Variants in KLHL1 observed in about 807,000 individuals in gnomAD.
KLHL1 encodes kelch like family member 1, also known as kelch-like protein 1.
In KLHL1, 47 loss-of-function variants were observed where a neutral mutation model predicts 77.7. The observed-to-expected ratio is 0.60, with a 90% CI of 0.48 to 0.77. The LOEUF is 0.77. Ranked by LOEUF, KLHL1 falls within the 30% of genes least tolerant of loss-of-function variation. The pLI is 0.00. For missense variants in KLHL1, 925 were observed against 910.8 expected (o/e 1.02, Z -0.20); for synonymous variants, 360 against 325.2 (o/e 1.11, Z -1.15).
chr13:70,001,567 T>A lies in KLHL1; in HGVS notation c.498-25765A>T, dbSNP rs532679223. Among the ~76,000 whole-genome samples, 21 of 139,814 alleles carry A rather than the reference T, an allele frequency of 1.5e-4. No individual in the cohort carries two copies. The East Asian group carries it at 4.8e-3, about 32-fold the overall frequency. 91.7% of individuals were successfully genotyped at this position (139,814 alleles called of 152,430 possible). ...GAACATTTAAACATTGGGATATCTA[T>A]CTATGATCTATGTGTCTATCTATCT... On this transcript the variant is annotated intron_variant, in intron 1 of 10. Transcript: ENST00000377844.
chr13:69,808,132 TC>T (rs911412337), intron 6 of KLHL1, among the ~76,000 whole-genome samples: 1 of 151,832 alleles, frequency 6.6e-6, no homozygotes. Flanking sequence ...GTCACCTCTT[TC>T]CCCCCACACC....
intron 7 of KLHL1, among the ~76,000 whole-genome samples, chr13:69,775,054 G>A (rs1481020969): frequency 6.6e-6 from 1 of 152,046 alleles, no homozygotes; most frequent in Non-Finnish European, 1.5e-5. Flanking sequence ...TGAGCTAACA[G>A]GAAAAAAATA....
In KLHL1 at chr13:69,988,081, CT is replaced by C. The variant is rs200493457; in HGVS notation, c.498-12280del. Among the ~76,000 whole-genome samples the C allele has an allele frequency of 7.8e-3, 1,181 of 151,110 alleles. 19 individuals are homozygous for C. The highest frequency in any genetic ancestry group is 0.028 in the African/African-American group (1,129 of 40,996). On this transcript the variant is annotated intron_variant, in intron 1 of 10. Transcript: ENST00000377844. ...CAGGTACAAGCATAATACTAAATAG[CT>C]TTTTTTTGGCGGGGGGAACCTCTCC...
intron 4 of KLHL1, among the ~76,000 whole-genome samples, chr13:69,936,142 G>A (rs1173146416): frequency 1.3e-5 from 2 of 152,160 alleles, no homozygotes; most frequent in Admixed American, 1.3e-4. Flanking sequence ...TTCAGAATTT[G>A]ATAATGGATT....
At chr13:69,992,109 T>C in intron 1 of KLHL1, among the ~76,000 whole-genome samples, 1 of 151,980 alleles carries the variant, frequency 6.6e-6, no homozygotes. Context: ...TTAGTATATG[T>C]CCTGGCCAGA....
intron 3 of KLHL1, among the ~76,000 whole-genome samples, chr13:69,941,892 A>G (rs9542125): frequency 2.4e-4 from 36 of 151,882 alleles, no homozygotes; most frequent in Admixed American, 2.4e-3. Context: ...GGAAATATAC[A>G]ATCCCCCTAG....
intron 7 of KLHL1, among the ~76,000 whole-genome samples, chr13:69,764,929 CTTTTTTTTTTTTTTTTTTTTTTTT>C (rs71196263): frequency 2.0e-4 from 8 of 39,714 alleles, no homozygotes; most frequent in Non-Finnish European, 3.1e-4. Flanking sequence ...TATATCTTTG[CTTTTTTTTTTTTTTTTTTTTTTTT>C]TTTTTTTTTT....
chr13:70,024,592 A>T (rs754453722), intron 1 of KLHL1, among the ~76,000 whole-genome samples: 14 of 112,398 alleles, frequency 1.2e-4, no homozygotes, highest in Non-Finnish European at 2.2e-4. Flanking sequence ...CCATTGCAAG[A>T]TTCTGGTTAG....
chr13:69,763,943 T>C (rs1875144689), intron 7 of KLHL1, among the ~76,000 whole-genome samples: 1 of 152,168 alleles, frequency 6.6e-6, no homozygotes, highest in Non-Finnish European at 1.5e-5. Flanking sequence ...TTTTTTTCTA[T>C]TGTTCTGTTT....
At chr13:70,037,904 A>G (rs972909893) in intron 1 of KLHL1, among the ~76,000 whole-genome samples, 13 of 151,954 alleles carry the variant, frequency 8.6e-5, no homozygotes, top group Admixed American at 6.6e-4. Flanking sequence ...ATTCCCTTTT[A>G]CCACTTTAGA....
intron 1 of KLHL1, among the ~76,000 whole-genome samples, chr13:70,096,605 G>A (rs1263907030): frequency 2.0e-5 from 3 of 148,948 alleles, no homozygotes; most frequent in South Asian, 2.1e-4. Context: ...TTTTCCTATC[G>A]AGTTCTTTGA....
intron 2 of KLHL1, among the ~76,000 whole-genome samples, chr13:69,963,375 CAT>C (rs1884125127): frequency 6.6e-6 from 1 of 152,088 alleles, no homozygotes; most frequent in Admixed American, 6.6e-5. Flanking sequence ...ATATTGACTA[CAT>C]GTTTTTCACA....
chr13:69,873,400 G>C (rs1336405183), intron 5 of KLHL1, among the ~76,000 whole-genome samples: 1 of 151,944 alleles, frequency 6.6e-6, no homozygotes, highest in Non-Finnish European at 1.5e-5. Flanking sequence ...CTCAAATTAG[G>C]TATTAGAGGA....
intron 4 of KLHL1, among the ~76,000 whole-genome samples, chr13:69,921,045 T>A (rs976130117): frequency 2.0e-5 from 3 of 152,194 alleles, no homozygotes; most frequent in Non-Finnish European, 4.4e-5. Context: ...TATGTTAAAA[T>A]GTAAATGTTG....
At chr13:69,824,810 A>G (rs1449598188) in intron 6 of KLHL1, among the ~76,000 whole-genome samples, 1 of 152,086 alleles carries the variant, frequency 6.6e-6, no homozygotes, top group African/African-American at 2.4e-5. Flanking sequence ...GCAATGCTCT[A>G]TCATGTTTAG....
At chr13:69,782,774 A>G (rs1165854966) in intron 7 of KLHL1, among the ~76,000 whole-genome samples, 1 of 152,218 alleles carries the variant, frequency 6.6e-6, no homozygotes. Context: ...TAACCTCTAC[A>G]GACTTAAATG....
intron 1 of KLHL1, among the ~76,000 whole-genome samples, chr13:70,075,659 C>T (rs1003064826): frequency 1.6e-5 from 2 of 126,382 alleles, no homozygotes; most frequent in African/African-American, 3.0e-5. Context: ...ATATATATAC[C>T]TATGTGTGTG....
In KLHL1 at chr13:69,740,546, T is replaced by C. The variant is rs1232717196; in HGVS notation, c.1650A>G (p.Val550=). 6.2e-7 allele frequency: 1 copy of C among 1,609,528 alleles called. No individual in the cohort carries two copies. The change falls in exon 8 of 11, where the codon GTA becomes GTG. Residue 550 remains valine (V), a synonymous_variant. Coordinates refer to ENST00000377844, the MANE Select transcript of KLHL1 (RefSeq NM_020866.3). ...STHRHGLGVT[V]LEGPIYAVGG... The stretch of plus-strand genomic sequence containing the variant: ...CCACAGCATAAATAGGGCCTTCAAG[T>C]ACTGTTACACCTAAAATATTAGATA...
intron 5 of KLHL1, among the ~76,000 whole-genome samples, chr13:69,881,986 A>G (rs1458783808): frequency 6.6e-6 from 1 of 152,068 alleles, no homozygotes; most frequent in African/African-American, 2.4e-5. Context: ...GGATCTTCAC[A>G]AAACTTCTGT....
Sources: allele counts gnomAD v4.1 joint callset (sites outside exome capture counted in the v4.1 genomes callset), GRCh38; gene constraint gnomAD v4.1.1; transcripts MANE v1.5; gene names NCBI Gene and HGNC (gene_info 2026-07-23, HGNC 2026-07-21).